SLC23A2: variants seen among roughly 807,000 people sequenced by gnomAD.
The protein encoded by SLC23A2 is solute carrier family 23 member 2, also known as Na(+)/L-ascorbic acid transporter 2.
In SLC23A2, 36 loss-of-function variants were observed where a neutral mutation model predicts 73.3. The ratio of observed to expected loss-of-function variants is 0.49; its 90% CI spans 0.38 to 0.65. The LOEUF (loss-of-function observed/expected upper bound fraction) is 0.65, where lower values mean the gene tolerates loss of function less well. Ranked by LOEUF, SLC23A2 falls within the 30% of genes least tolerant of loss-of-function variation. The pLI, the probability that SLC23A2 is intolerant of heterozygous loss-of-function variation, is 0.00. For missense variants in SLC23A2, 507 were observed against 841.6 expected (o/e 0.60, Z 4.92); for synonymous variants, 343 against 327.3 (o/e 1.05, Z -0.52).
In SLC23A2 at chr20:4,870,025, C is replaced by T. The variant is rs372443688; in HGVS notation, c.1131G>A (p.Ala377=). The change falls in exon 12 of 17, where the codon GCG becomes GCA. Residue 377 remains alanine, a synonymous_variant. Coordinates refer to ENST00000338244, the MANE Select transcript of SLC23A2 (RefSeq NM_005116.6). The stretch of plus-strand genomic sequence containing the variant: ...CACTGAGCATGCCGATGACACCGGC[C>T]GCAGACACGGTGGGCAGTCCCCACT... The part of the protein sequence containing the change: ...PFQWGLPTVS[A]AGVIGMLSAV... The T allele has an allele frequency of 1.7e-4, 272 of 1,611,744 alleles. 3 individuals carry two copies. In the South Asian group the frequency reaches 1.8e-3, roughly 11 times the overall value.
At chr20:4,997,676 G>A (rs2088046559) in intron 1 of SLC23A2, among the ~76,000 whole-genome samples, 2 of 152,182 alleles carry the variant, frequency 1.3e-5, no homozygotes, top group Non-Finnish European at 2.9e-5. Context: ...CCAGGCTGGT[G>A]TGCAGTGGCA....
rs1379454083 is a variant in SLC23A2, at chr20:4,863,088, C to A, written c.1357-181G>T. 6.6e-6 allele frequency among the ~76,000 whole-genome samples: 1 copy of A among 152,198 alleles called. No homozygotes were observed. Among genetic ancestry groups the A allele is most frequent in the African/African-American group, 2.4e-5 (1 of 41,430 alleles). ...GAGGGCCGCCCTCTGCATCTCCAAG[C>A]CTTGGTGACACTCCCTGCACTCAGG... On this transcript the variant is annotated intron_variant, in intron 13 of 16. Coordinates refer to ENST00000338244, the MANE Select transcript of SLC23A2 (RefSeq NM_005116.6). This position sits in a 1 kb window ranked among gnomAD's most constrained non-coding sequence, Gnocchi z 4.8.
chr20:4,908,300 G>T (rs1188880914), intron 4 of SLC23A2, among the ~76,000 whole-genome samples: 1 of 152,112 alleles, frequency 6.6e-6, no homozygotes, highest in Non-Finnish European at 1.5e-5. Context: ...GAAAAATCAG[G>T]ATAAAACTAC....
chr20:4,991,654 G>A (rs1441570706), intron 1 of SLC23A2, among the ~76,000 whole-genome samples: 2 of 150,940 alleles, frequency 1.3e-5, no homozygotes, highest in African/African-American at 2.4e-5. Context: ...TCCAGGAGGC[G>A]GAGGTTGCAG....
chr20:4,864,157 G>A (rs889000473), intron 13 of SLC23A2, among the ~76,000 whole-genome samples: 1 of 152,208 alleles, frequency 6.6e-6, no homozygotes, highest in Non-Finnish European at 1.5e-5. Flanking sequence ...AGAGTGTTTG[G>A]GGGAGTATCC....
chr20:4,972,886 A>C (rs1233630715), intron 1 of SLC23A2, among the ~76,000 whole-genome samples: 1 of 152,138 alleles, frequency 6.6e-6, no homozygotes, highest in Non-Finnish European at 1.5e-5. Flanking sequence ...GCCAAGCCTT[A>C]AGCTATGTTT....
chr20:4,947,697 T>G lies in SLC23A2; in HGVS notation c.-154-14981A>C, dbSNP rs1452927440. Among the ~76,000 whole-genome samples the G allele has an allele frequency of 1.3e-5, 2 of 152,190 alleles. No individual in the cohort carries two copies. Among genetic ancestry groups the G allele is most frequent in the Non-Finnish European group, 2.9e-5 (2 of 68,026 alleles). ...TCTGCAAAAAAGCTCAGGGCCAATG[T>G]TGTGGGTCCAACAATCATTCTGGAA... is the stretch of plus-strand genomic sequence containing the variant. On this transcript the variant is annotated intron_variant, in intron 2 of 16. Transcript: ENST00000338244. This position sits in a 1 kb window ranked among gnomAD's most constrained non-coding sequence, Gnocchi z 4.4.
intron 2 of SLC23A2, among the ~76,000 whole-genome samples, chr20:4,962,713 A>G (rs2087411794): frequency 1.3e-5 from 2 of 152,152 alleles, no homozygotes; most frequent in Non-Finnish European, 2.9e-5. Flanking sequence ...AGAAGTTGCT[A>G]GATGGCCTGG....
At chr20:4,901,892 T>C (rs1359202793) in intron 5 of SLC23A2, among the ~76,000 whole-genome samples, 1 of 152,190 alleles carries the variant, frequency 6.6e-6, no homozygotes, top group East Asian at 1.9e-4. Context: ...TATAACTCTA[T>C]TTCCTTTCCC....
At chr20:4,937,042 T>C (rs2086971250) in intron 2 of SLC23A2, among the ~76,000 whole-genome samples, 1 of 151,948 alleles carries the variant, frequency 6.6e-6, no homozygotes, top group Non-Finnish European at 1.5e-5. Flanking sequence ...AATGTGTCCT[T>C]GGACACGCCA....
At chr20:4,909,634 A>T (rs1477979781) in intron 4 of SLC23A2, among the ~76,000 whole-genome samples, 2 of 152,082 alleles carry the variant, frequency 1.3e-5, no homozygotes, top group Non-Finnish European at 2.9e-5. Context: ...GCTCACTACA[A>T]CCTCTGCCTC....
chr20:4,975,710 T>C (rs552733589), intron 1 of SLC23A2, among the ~76,000 whole-genome samples: 1 of 151,182 alleles, frequency 6.6e-6, no homozygotes, highest in East Asian at 2.0e-4. Flanking sequence ...TTTGCAAATA[T>C]GACATGTAAA....
chr20:4,894,424 G>A (rs1173728021), intron 6 of SLC23A2, among the ~76,000 whole-genome samples: 1 of 152,220 alleles, frequency 6.6e-6, no homozygotes, highest in Admixed American at 6.5e-5. Context: ...AAACTTTCAT[G>A]CCAGGGGAGA....
intron 1 of SLC23A2, among the ~76,000 whole-genome samples, chr20:5,000,094 C>T (rs12479919): frequency 0.32 from 49,023 of 151,910 alleles, 8,713 homozygotes; most frequent in Admixed American, 0.4. Context: ...GAAAAGAGAA[C>T]AGTAGTAATA....
At position 4,921,600 on chromosome 20, in the gene SLC23A2, AC is replaced by A. The variant is rs200548610; in HGVS notation, c.109-8623del. On this transcript the variant is annotated intron_variant, in intron 3 of 16. Coordinates refer to ENST00000338244, the MANE Select transcript of SLC23A2 (RefSeq NM_005116.6). ...GACCCTGTCTCAAACAACAATCACA[AC>A]CAAAAAAAAAAAAAAAAGAAATACA... Among the ~76,000 whole-genome samples the A allele has an allele frequency of 2.5e-3, 367 of 149,128 alleles. 1 individual carries two copies. Among genetic ancestry groups the A allele is most frequent in the South Asian group, 3.8e-3 (18 of 4,744 alleles).
chr20:4,883,945 G>T lies in SLC23A2; in HGVS notation c.643-122C>A. 5 of 692,858 alleles carry T rather than the reference G, an allele frequency of 7.2e-6. No individual in the cohort carries two copies. The highest frequency in any genetic ancestry group is 1.1e-5 in the Non-Finnish European group (5 of 444,714). 42.9% of individuals were successfully genotyped at this position (692,858 alleles called of 1,614,324 possible). On this transcript the variant is annotated intron_variant, in intron 8 of 16. Coordinates refer to ENST00000338244, the MANE Select transcript of SLC23A2 (RefSeq NM_005116.6). This position sits in a 1 kb window ranked among gnomAD's most constrained non-coding sequence, Gnocchi z 4.5. Reference sequence around the variant, plus strand: ...ATAAGTTATTACATCATCTAACTTGGGAGAGATAGCTAGAAAATTCCCCAG... The same window carrying T: ...ATAAGTTATTACATCATCTAACTTGTGAGAGATAGCTAGAAAATTCCCCAG...
In SLC23A2 at chr20:4,899,608, G is replaced by T. The variant is rs969332982; in HGVS notation, c.429C>A (p.Thr143=). The T allele has an allele frequency of 2.5e-6, 4 of 1,614,120 alleles. No homozygotes were observed. The highest frequency in any genetic ancestry group is 3.4e-6 in the Non-Finnish European group (4 of 1,180,014). ...TAGTGATTCCCACACAGAAGAAAAT[G>T]GTCCCAATGAGCTGGCTGGTGGCCC... The part of the protein sequence containing the change: ...DQWATSQLIG[T]IFFCVGITTL... Residue 143 remains threonine, a synonymous_variant, in exon 6 of 17, where the codon ACC becomes ACA. Transcript: ENST00000338244. This position sits in a 1 kb window ranked among gnomAD's most constrained non-coding sequence, Gnocchi z 4.9.
At chr20:5,001,757 A>AGTC (rs1225863778), upstream of SLC23A2, among the ~76,000 whole-genome samples, 1 of 150,648 alleles carries the variant, frequency 6.6e-6, no homozygotes, top group Non-Finnish European at 1.5e-5. Context: ...CCTTCCCACC[A>AGTC]GTCACACCTG....
chr20:4,983,442 C>G (rs6133182), intron 1 of SLC23A2, among the ~76,000 whole-genome samples: 12 of 151,118 alleles, frequency 7.9e-5, no homozygotes, highest in Middle Eastern at 3.3e-3. Flanking sequence ...GTGAGGAGAT[C>G]GAGACCATCC....
Sources: gnomAD v4.1 joint callset for allele counts (sites outside exome capture counted in the v4.1 genomes callset) on GRCh38, gnomAD v4.1.1 for gene constraint, Gnocchi (gnomAD v3.1) non-coding constraint, MANE v1.5 for transcripts, NCBI Gene and HGNC (gene_info 2026-07-23, HGNC 2026-07-21) for gene names.